The following DNMBP variants were observed in gnomAD, a reference collection of about 807,000 sequenced individuals.
DNMBP encodes the protein dynamin-binding protein.
Under a neutral mutation model 150.0 loss-of-function variants are expected in DNMBP, and 87 were observed. The ratio of observed to expected loss-of-function variants is 0.58; its 90% CI spans 0.49 to 0.69. The LOEUF is 0.69. Ranked by LOEUF, DNMBP falls within the 30% of genes least tolerant of loss-of-function variation. The probability of loss-of-function intolerance (pLI) is 0.00; values close to 1 mark genes in which losing one functional copy is unlikely to be tolerated. For synonymous variants in DNMBP, 711 were observed against 750.4 expected (o/e 0.95, Z 0.86); for missense variants, 1,774 against 1,949.0 (o/e 0.91, Z 1.69).
rs766241031 is a variant in DNMBP at position 99,957,106 on chromosome 10, T to C, written c.368A>G (p.Glu123Gly). The C allele has an allele frequency of 6.2e-7, 1 of 1,614,016 alleles. No individual in the cohort carries two copies. Among genetic ancestry groups the C allele is most frequent in the South Asian group, 1.1e-5 (1 of 91,078 alleles). Reference protein sequence around the residue: ...RGFFPSSCVRELCLSSQSRQW... With the variant: ...RGFFPSSCVRGLCLSSQSRQW... The stretch of plus-strand genomic sequence containing the variant: ...CCGGCTCTGTGAGGAGAGGCAGAGC[T>C]CGCGGACACATGAAGATGGGAAGAA... The change falls in exon 4 of 17, where the codon GAG (glutamate) becomes GGG (glycine). Residue 123 changes from glutamate to glycine, a missense_variant. Glu to Gly is a moderately conservative substitution (Grantham distance 98, BLOSUM62 -2). Around this residue, in one of 2 missense-constraint regions of DNMBP, gnomAD observed 344 missense variants for 456.6 expected, o/e 0.75. Coordinates refer to ENST00000324109, the MANE Select transcript of DNMBP (RefSeq NM_015221.4).
At chr10:99,891,104 AAAAGATTTT>A (rs2039549112) in intron 11 of DNMBP, among the ~76,000 whole-genome samples, 1 of 152,160 alleles carries the variant, frequency 6.6e-6, no homozygotes, top group African/African-American at 2.4e-5. Flanking sequence ...AAAACTTAAA[AAAAGATTTT>A]AAAATCTTAA....
chr10:99,933,436 A>C (rs574627934), intron 4 of DNMBP, among the ~76,000 whole-genome samples: 1 of 152,258 alleles, frequency 6.6e-6, no homozygotes, highest in Non-Finnish European at 1.5e-5. Context: ...TAAAATAGCA[A>C]TCCATCAGGT....
intron 4 of DNMBP, among the ~76,000 whole-genome samples, chr10:99,953,227 C>T (rs1358731508): frequency 6.6e-6 from 1 of 152,036 alleles, no homozygotes; most frequent in Non-Finnish European, 1.5e-5. Flanking sequence ...TCCCAACTCC[C>T]TTGGCAAGTC....
chr10:99,913,894 G>T lies in DNMBP; in HGVS notation c.2261-4748C>A, dbSNP rs58236857. The T allele has an allele frequency of 9.7e-4, 1,235 of 1,279,570 alleles. 14 individuals are homozygous for T. In the African/African-American group the frequency reaches 0.018, roughly 18 times the overall value. 79.3% of individuals were successfully genotyped at this position (1,279,570 alleles called of 1,614,324 possible). A position where few individuals can be genotyped will look rare whatever the true frequency, so the allele number is the denominator to read the frequency against. ...CAGATCCCAGGTGCCCTTGAACAGG[G>T]ACGAAGAGGCTGCCTGTTCCACTTC... On this transcript the variant is annotated intron_variant, in intron 4 of 16. Coordinates refer to ENST00000324109, the MANE Select transcript of DNMBP (RefSeq NM_015221.4).
chr10:99,885,644 C>T, intron 14 of DNMBP, 43 bp downstream of exon 14: 1 of 1,525,694 alleles, frequency 6.6e-7, no homozygotes, highest in Non-Finnish European at 8.8e-7. Context: ...GGTTCCCCCT[C>T]TTTACCCCGA....
At chr10:99,884,746 T>A (rs541762117) in intron 14 of DNMBP, among the ~76,000 whole-genome samples, 5 of 152,074 alleles carry the variant, frequency 3.3e-5, no homozygotes, top group South Asian at 4.2e-4. Context: ...CTGTCTCTAC[T>A]AAAAATACAA....
chr10:99,884,950 T>C (rs2039434611), intron 14 of DNMBP, among the ~76,000 whole-genome samples: 1 of 152,076 alleles, frequency 6.6e-6, no homozygotes, highest in Admixed American at 6.5e-5. Flanking sequence ...TTAATGTCTA[T>C]GGGATCATAT....
At chr10:99,986,426 G>C (rs2040827747) in intron 1 of DNMBP, among the ~76,000 whole-genome samples, 1 of 151,928 alleles carries the variant, frequency 6.6e-6, no homozygotes. Flanking sequence ...ACAAAAGCAA[G>C]GGAGAATTTA....
In DNMBP at chr10:99,981,708, G is replaced by A. The variant is rs1037138937; in HGVS notation, c.-10-9574C>T. 2.6e-5 allele frequency among the ~76,000 whole-genome samples: 4 copies of A among 152,264 alleles called. No individual in the cohort carries two copies. The South Asian group carries it at 8.3e-4, about 32-fold the overall frequency. On this transcript the variant is annotated intron_variant, in intron 1 of 16. Transcript: ENST00000324109. ...CCCAGCCTACCCTGTGTTCCCGGAG[G>A]CTGGCCCACCAGAACTGAACAAGGC...
At chr10:99,890,317 T>C (rs1393075197) in intron 11 of DNMBP, among the ~76,000 whole-genome samples, 1 of 152,226 alleles carries the variant, frequency 6.6e-6, no homozygotes, top group East Asian at 1.9e-4. Context: ...TTCTCGCTGT[T>C]AGTCAATCTA....
chr10:99,898,748 G>T lies in DNMBP; in HGVS notation c.2715C>A (p.Asn905Lys). Residue 905 changes from asparagine to lysine, a missense_variant, in exon 8 of 17, where the codon AAC becomes AAA. Physicochemically the swap from Asn to Lys is moderately conservative, Grantham distance 94. Coordinates refer to ENST00000324109, the MANE Select transcript of DNMBP (RefSeq NM_015221.4). ...DSLADLKSLY[N>K]EWGCTNYINL... is the part of the protein sequence containing the mutation. The stretch of plus-strand genomic sequence containing the variant: ...CAAGCAGCAATGGAACTTACCATTC[G>T]TTGTATAGGCTCCTGCAAGGCAGTG... The T allele has an allele frequency of 6.2e-7, 1 of 1,613,814 alleles. No homozygotes were observed. Among genetic ancestry groups the T allele is most frequent in the Non-Finnish European group, 8.5e-7 (1 of 1,179,806 alleles).
chr10:99,885,837 G>T lies in DNMBP; in HGVS notation c.3648C>A (p.Asn1216Lys). 6.2e-7 allele frequency: 1 copy of T among 1,613,096 alleles called. No individual in the cohort carries two copies. Among genetic ancestry groups the T allele is most frequent in the Non-Finnish European group, 8.5e-7 (1 of 1,179,662 alleles). ...GCTCTTCGTGGAAGATGGCAATAAG[G>T]TTTCCCTCTCTGCCAGCCACTTTGA... is the stretch of plus-strand genomic sequence containing the variant. Reference protein sequence around the residue: ...SLLKVAGREGNLIAIFHEEHS... With the variant: ...SLLKVAGREGKLIAIFHEEHS... Residue 1216 changes from asparagine to lysine, a missense_variant, in exon 14 of 17, where the codon AAC (asparagine) becomes AAA (lysine). Coordinates refer to ENST00000324109, the MANE Select transcript of DNMBP (RefSeq NM_015221.4).
intron 4 of DNMBP, 140 bp downstream of exon 4, chr10:99,955,070 AAAAG>A: frequency 3.9e-6 from 3 of 765,210 alleles, no homozygotes; most frequent in Non-Finnish European, 6.2e-6. Flanking sequence ...GAAAAAAAAA[AAAAG>A]AAAAGAAATT....
chr10:99,907,073 G>C (rs761470650), intron 6 of DNMBP, among the ~76,000 whole-genome samples: 2 of 152,158 alleles, frequency 1.3e-5, no homozygotes, highest in Non-Finnish European at 2.9e-5. Context: ...CAATGTGGGA[G>C]GCCGAGGTGG....
intron 4 of DNMBP, among the ~76,000 whole-genome samples, chr10:99,923,985 C>G (rs1264628328): frequency 1.3e-5 from 2 of 151,716 alleles, no homozygotes; most frequent in Admixed American, 1.3e-4. Flanking sequence ...AAACCCCGTC[C>G]CTACAAAAAA....
intron 4 of DNMBP, chr10:99,913,931 G>C: frequency 7.6e-7 from 1 of 1,315,166 alleles, no homozygotes; most frequent in Non-Finnish European, 9.8e-7. Context: ...TTCTGTGCTG[G>C]CTCCCACACC....
intron 10 of DNMBP, among the ~76,000 whole-genome samples, 194 bp from the exon 11 acceptor site, chr10:99,895,244 A>G (rs934380337): frequency 6.6e-6 from 1 of 151,072 alleles, no homozygotes; most frequent in Non-Finnish European, 1.5e-5. Context: ...CTCCTGCGTC[A>G]GCCTCTCGCA....
intron 11 of DNMBP, 37 bp downstream of exon 11, chr10:99,894,909 C>T (rs759047403): frequency 7.6e-6 from 11 of 1,454,000 alleles, no homozygotes; most frequent in South Asian, 2.3e-5. Context: ...AGAATTACAT[C>T]GTATGTTAAT....
intron 13 of DNMBP, among the ~76,000 whole-genome samples, 199 bp downstream of exon 13, chr10:99,886,101 G>C (rs532272781): frequency 3.3e-5 from 5 of 152,308 alleles, no homozygotes; most frequent in African/African-American, 1.2e-4. Flanking sequence ...TCTGGGAACT[G>C]CTCAAGAGGG....
Sources: gnomAD v4.1 joint callset for allele counts (sites outside exome capture counted in the v4.1 genomes callset) on GRCh38, gnomAD v4.1.1 for gene constraint, gnomAD v4.1.1 regional missense constraint, MANE v1.5 for transcripts, NCBI Gene and HGNC (gene_info 2026-07-23, HGNC 2026-07-21) for gene names.